The following TOX variants were observed in gnomAD, a reference collection of about 807,000 sequenced individuals.
TOX encodes thymocyte selection-associated high mobility group box protein TOX.
In TOX, 11 loss-of-function variants were observed where a neutral mutation model predicts 53.7. The observed-to-expected ratio is 0.20, with a 90% CI of 0.13 to 0.34. The LOEUF is 0.34. Ranked by LOEUF, TOX falls within the 10% of genes least tolerant of loss-of-function variation. TOX has a pLI of 1.00. For missense variants in TOX, 570 were observed against 664.6 expected (o/e 0.86, Z 1.56); for synonymous variants, 225 against 245.3 (o/e 0.92, Z 0.77).
intron 1 of TOX, among the ~76,000 whole-genome samples, chr8:59,071,267 A>G (rs556078382): frequency 1.3e-5 from 2 of 152,260 alleles, no homozygotes; most frequent in South Asian, 4.1e-4. Context: ...TCCAAGACAC[A>G]TACTTAGGGT....
chr8:58,864,602 C>T (rs1403896963), intron 3 of TOX, among the ~76,000 whole-genome samples: 2 of 152,162 alleles, frequency 1.3e-5, no homozygotes, highest in Admixed American at 1.3e-4. Flanking sequence ...AAAAATGTTG[C>T]CACATAAATT....
chr8:58,954,397 T>C (rs1812677356), intron 2 of TOX, among the ~76,000 whole-genome samples: 1 of 152,216 alleles, frequency 6.6e-6, no homozygotes, highest in Non-Finnish European at 1.5e-5. Context: ...GATTTGCTTA[T>C]CTTTCAACAA....
intron 1 of TOX, among the ~76,000 whole-genome samples, chr8:58,970,635 A>G (rs1405074845): frequency 1.3e-5 from 2 of 152,144 alleles, no homozygotes; most frequent in African/African-American, 4.8e-5. Context: ...CCCAGCCCAC[A>G]TCTCTTTCTA....
At chr8:58,899,292 A>T (rs1441890393) in intron 3 of TOX, among the ~76,000 whole-genome samples, 1 of 152,230 alleles carries the variant, frequency 6.6e-6, no homozygotes, top group African/African-American at 2.4e-5. Context: ...CAACTATTTT[A>T]GGAAAAGTGC....
At chr8:59,024,552 T>TACC (rs1407332667) in intron 1 of TOX, among the ~76,000 whole-genome samples, 1 of 152,194 alleles carries the variant, frequency 6.6e-6, no homozygotes, top group Non-Finnish European at 1.5e-5. Flanking sequence ...TGTCACGTTT[T>TACC]TGTGTTCAGC....
intron 1 of TOX, among the ~76,000 whole-genome samples, chr8:59,103,370 G>GTGT (rs1314400302): frequency 1.3e-5 from 2 of 152,170 alleles, no homozygotes; most frequent in Non-Finnish European, 2.9e-5. Context: ...GTATTATGTT[G>GTGT]TGTCATGCGT....
intron 1 of TOX, among the ~76,000 whole-genome samples, chr8:59,074,537 T>C (rs920506947): frequency 4.6e-5 from 7 of 152,160 alleles, no homozygotes; most frequent in South Asian, 4.1e-4. Flanking sequence ...TATTGAGACA[T>C]TATTTATTCA....
At chr8:58,993,607 C>T (rs1813497130) in intron 1 of TOX, among the ~76,000 whole-genome samples, 1 of 152,138 alleles carries the variant, frequency 6.6e-6, no homozygotes, top group Non-Finnish European at 1.5e-5. Context: ...ACAGTAATAA[C>T]ACCCAGAGGT....
chr8:58,942,898 ATG>A (rs2129176848), intron 2 of TOX, among the ~76,000 whole-genome samples: 1 of 152,200 alleles, frequency 6.6e-6, no homozygotes, highest in South Asian at 2.1e-4. Context: ...TTCTCTCACC[ATG>A]TAACACATCT....
chr8:59,007,884 C>A (rs1813821179), intron 1 of TOX, among the ~76,000 whole-genome samples: 1 of 152,244 alleles, frequency 6.6e-6, no homozygotes, highest in South Asian at 2.1e-4. Flanking sequence ...AGAAGGTAAC[C>A]AATGATGGCA....
intron 1 of TOX, among the ~76,000 whole-genome samples, chr8:59,053,799 T>A (rs1803836840): frequency 6.6e-6 from 1 of 152,156 alleles, no homozygotes; most frequent in South Asian, 2.1e-4. Flanking sequence ...AAAGGAGAAT[T>A]GTCTAATGTT....
At position 58,888,273 on chromosome 8, in the gene TOX, A is replaced by G. The variant is rs547391442; in HGVS notation, c.412-36468T>C. The stretch of plus-strand genomic sequence containing the variant: ...TTTAAAGTCTCCAACCAGATAGAAC[A>G]TACAATAGAATACCCCATTTATAAT... On this transcript the variant is annotated intron_variant, in intron 3 of 8. Coordinates refer to ENST00000361421, the MANE Select transcript of TOX (RefSeq NM_014729.3). Among the ~76,000 whole-genome samples, 10 of 152,196 alleles carry G rather than the reference A, an allele frequency of 6.6e-5. 1 individual carries two copies. In the South Asian group the frequency reaches 1.9e-3, roughly 28 times the overall value.
chr8:59,007,596 G>A (rs1813815682), intron 1 of TOX, among the ~76,000 whole-genome samples: 1 of 152,118 alleles, frequency 6.6e-6, no homozygotes, highest in African/African-American at 2.4e-5. Flanking sequence ...CACAATTTCA[G>A]TAAGAAGGAA....
At chr8:58,922,576 A>G (rs1812091444) in intron 3 of TOX, among the ~76,000 whole-genome samples, 2 of 152,126 alleles carry the variant, frequency 1.3e-5, no homozygotes, top group Non-Finnish European at 2.9e-5. Context: ...AAAACACCAG[A>G]TATATATGTG....
At chr8:58,957,301 A>G (rs1174611994) in intron 2 of TOX, among the ~76,000 whole-genome samples, 1 of 152,228 alleles carries the variant, frequency 6.6e-6, no homozygotes, top group Non-Finnish European at 1.5e-5. Context: ...AGGAGAAAAC[A>G]GTCAATATTC....
intron 1 of TOX, among the ~76,000 whole-genome samples, chr8:59,081,580 C>T (rs1254317885): frequency 2.6e-5 from 4 of 152,200 alleles, no homozygotes; most frequent in Non-Finnish European, 5.9e-5. Context: ...GAGCATCATT[C>T]AGCATCTCTG....
intron 2 of TOX, among the ~76,000 whole-genome samples, chr8:58,958,841 GGGAGATGC>G (rs1330870421): frequency 2.6e-5 from 4 of 152,176 alleles, no homozygotes; most frequent in Non-Finnish European, 4.4e-5. Context: ...GCAAAGTTCA[GGGAGATGC>G]AGGCCTGCCT....
chr8:58,815,561 G>A lies in TOX; in HGVS notation c.1169C>T (p.Pro390Leu). 6.2e-7 allele frequency: 1 copy of A among 1,614,166 alleles called. No homozygotes were observed. The highest frequency in any genetic ancestry group is 8.5e-7 in the Non-Finnish European group (1 of 1,180,024). ...GGGGGCTATGTTCCTGGGGAGACTA[G>A]GATGCATGGCAGTTAGGTGAGGATT... ...GMNPHLTAMH[P>L]SLPRNIAPKP... Residue 390 changes from proline to leucine, a missense_variant, in exon 7 of 9, where the codon CCT becomes CTT. Pro to Leu is a moderately conservative substitution (Grantham distance 98). Around this residue, in one of 3 missense-constraint regions of TOX, gnomAD observed 239 missense variants for 250.7 expected, o/e 0.95. Transcript: ENST00000361421.
chr8:59,106,006 A>G (rs940636062), intron 1 of TOX, among the ~76,000 whole-genome samples: 1 of 152,198 alleles, frequency 6.6e-6, no homozygotes, highest in African/African-American at 2.4e-5. Context: ...TATCACCACC[A>G]CTGTATCTTG....
Sources: gnomAD v4.1 joint callset for allele counts (sites outside exome capture counted in the v4.1 genomes callset) on GRCh38, gnomAD v4.1.1 for gene constraint, gnomAD v4.1.1 regional missense constraint, MANE v1.5 for transcripts, NCBI Gene and HGNC (gene_info 2026-07-23, HGNC 2026-07-21) for gene names.